PLSCR3: variants seen among roughly 807,000 people sequenced by gnomAD.
PLSCR3 encodes the protein PL scramblase 3.
In PLSCR3, 17 loss-of-function variants were observed where a neutral mutation model predicts 33.7. That is an observed-to-expected ratio of 0.50 (90% CI 0.35 to 0.76). The LOEUF (loss-of-function observed/expected upper bound fraction) is 0.76. PLSCR3 is among the 30% of genes least tolerant of loss of function. PLSCR3 has a pLI of 0.01. For missense variants in PLSCR3, 360 were observed against 394.1 expected (o/e 0.91, Z 0.73); for synonymous variants, 166 against 166.0 (o/e 1.00, Z 0.00).
intron 6 of PLSCR3, 68 bp from the exon 7 acceptor site, chr17:7,390,863 AT>A: frequency 6.6e-7 from 1 of 1,521,686 alleles, no homozygotes; most frequent in South Asian, 1.1e-5. Flanking sequence ...CTCCAGTCTC[AT>A]TCCCACAGTC....
Position 7,392,887 on chromosome 17 carries a change from G to A in PLSCR3, c.573C>T (p.Leu191=), listed in dbSNP as rs758543456. ...CGGCATCCTGGATGGAGAACTTGGG[G>A]AGGAAGGGATGCCAGGTCTGTAGCA... ...GHVLQTWHPF[L]PKFSIQDADR... is the part of the protein sequence containing the mutation. The change falls in exon 6 of 8, where the codon CTC becomes CTT. Residue 191 remains leucine (L), a synonymous_variant. Coordinates refer to ENST00000619711, the MANE Select transcript of PLSCR3 (RefSeq NM_020360.4). 6.2e-7 allele frequency: 1 copy of A among 1,614,134 alleles called. No homozygotes were observed. The highest frequency in any genetic ancestry group is 8.5e-7 in the Non-Finnish European group (1 of 1,180,020).
rs1035289667 is a variant in PLSCR3, at chr17:7,390,353, G to A, written c.*32C>T. 17 of 1,492,488 alleles carry A rather than the reference G, an allele frequency of 1.1e-5. No homozygotes were observed. Among genetic ancestry groups the A allele is most frequent in the South Asian group, 6.2e-5 (5 of 80,200 alleles). 92.5% of individuals were successfully genotyped at this position (1,492,488 alleles called of 1,614,324 possible). ...CAGGTGACCATCTGGAGTTCTGGTC[G>A]AGGTGATGGTCTCCTCACACCATGG... On this transcript the variant is annotated 3_prime_UTR_variant, in exon 8 of 8. Coordinates refer to ENST00000619711, the MANE Select transcript of PLSCR3 (RefSeq NM_020360.4).
intron 6 of PLSCR3, among the ~76,000 whole-genome samples, chr17:7,392,111 G>T (rs983805722): frequency 3.3e-5 from 5 of 152,176 alleles, no homozygotes; most frequent in African/African-American, 4.8e-5. Context: ...CTTGAACCCG[G>T]GAGGCAAAGA....
rs548977209 is a variant in PLSCR3 at position 7,392,725 on chromosome 17, A to G, written c.669+66T>C. 333 of 1,475,260 alleles carry G rather than the reference A, an allele frequency of 2.3e-4. 2 individuals carry two copies. The African/African-American group carries it at 3.9e-3, about 17-fold the overall frequency. The allele number at this position is 1,475,260 out of a possible 1,614,324, so 91.4% of individuals were successfully genotyped here. A position where few individuals can be genotyped will look rare whatever the true frequency, so the allele number is the denominator to read the frequency against. On this transcript the variant is annotated intron_variant, in intron 6 of 7. Coordinates refer to ENST00000619711, the MANE Select transcript of PLSCR3 (RefSeq NM_020360.4). Reference sequence around the variant, plus strand: ...CAGGGTCTTGACCTTAATGTTAACTATCCTGCCTCATGGAAGCATCATCTT... The same window carrying G: ...CAGGGTCTTGACCTTAATGTTAACTGTCCTGCCTCATGGAAGCATCATCTT...
intron 2 of PLSCR3, 90 bp from the exon 3 acceptor site, chr17:7,393,926 G>A (rs1905961808): frequency 4.5e-6 from 5 of 1,103,492 alleles, no homozygotes; most frequent in African/African-American, 1.6e-5. Context: ...GGCTTCGGGG[G>A]AAACGTGGTG....
At position 7,393,348 on chromosome 17, in the gene PLSCR3, C is replaced by G. The variant is rs375566066; in HGVS notation, c.303G>C (p.Glu101Asp). The change falls in exon 5 of 8, where the codon GAG becomes GAC. Residue 101 changes from glutamate to aspartate, a missense_variant. Coordinates refer to ENST00000619711, the MANE Select transcript of PLSCR3 (RefSeq NM_020360.4). ...AERVETFLGW[E>D]TCNRYELRSG... is the part of the protein sequence containing the mutation. ...AGCGCAGTTCATACCGATTACAGGT[C>G]TCCCAGCCTAGGAACGCTGCCCGAG... 5 of 1,613,114 alleles carry G rather than the reference C, an allele frequency of 3.1e-6. No individual in the cohort carries two copies. In the African/African-American group the frequency reaches 6.7e-5, roughly 22 times the overall value.
Position 7,394,031 on chromosome 17 carries a change from G to A in PLSCR3, c.7+73C>T. The stretch of plus-strand genomic sequence containing the variant: ...CCCAGCCAGTCCGAGCACATTCCGG[G>A]AGGATGTGTTCAAACCCGGCTCCCA... On this transcript the variant is annotated intron_variant, in intron 2 of 7. Coordinates refer to ENST00000619711, the MANE Select transcript of PLSCR3 (RefSeq NM_020360.4). The surrounding 1 kb of genome is among the most constrained non-coding windows in gnomAD (Gnocchi z 5.3). 3 of 1,551,136 alleles carry A rather than the reference G, an allele frequency of 1.9e-6. No homozygotes were observed. Among genetic ancestry groups the A allele is most frequent in the South Asian group, 2.3e-5 (2 of 87,776 alleles).
chr17:7,392,198 C>T (rs528987327), intron 6 of PLSCR3, among the ~76,000 whole-genome samples: 5 of 152,168 alleles, frequency 3.3e-5, no homozygotes, highest in Admixed American at 2.6e-4. Context: ...AACAAACAAA[C>T]AAAAAACAAA....
Position 7,393,219 on chromosome 17 carries a change from G to C in PLSCR3, c.432C>G (p.Pro144=). 1 of 1,543,458 alleles carries C rather than the reference G, an allele frequency of 6.5e-7. No homozygotes were observed. Residue 144 remains proline (P), a synonymous_variant, in exon 5 of 8, where the codon CCC becomes CCG. Coordinates refer to ENST00000619711, the MANE Select transcript of PLSCR3 (RefSeq NM_020360.4). The part of the protein sequence containing the change: ...RRPLRVRLAD[P]GDREVLRLLR... ...GCAAACGCAGCACCTCACGGTCCCC[G>C]GGGTCGGCCAGGCGGACACGCAGCG...
intron 6 of PLSCR3, 84 bp from the exon 7 acceptor site, chr17:7,390,879 G>C: frequency 7.1e-7 from 1 of 1,408,374 alleles, no homozygotes; most frequent in Non-Finnish European, 9.9e-7. Context: ...ACAGTCGCAC[G>C]TATGAATTTG....
At position 7,394,275 on chromosome 17, in the gene PLSCR3, G is replaced by C. The variant is rs1234482191; in HGVS notation, c.-157-8C>G. The C allele has an allele frequency of 1.6e-6, 1 of 609,870 alleles. No homozygotes were observed. Among genetic ancestry groups the C allele is most frequent in the Non-Finnish European group, 2.9e-6 (1 of 347,950 alleles). 37.8% of individuals were successfully genotyped at this position (609,870 alleles called of 1,614,324 possible). ...GTCTCTTGGGCGGCGCCTCTGACTCGGGGAGAAACCCAAGTGTCAGTGGGC... is the reference window on the plus strand; with the variant it reads ...GTCTCTTGGGCGGCGCCTCTGACTCCGGGAGAAACCCAAGTGTCAGTGGGC... On this transcript the variant is annotated splice_polypyrimidine_tract_variant and splice_region_variant and intron_variant, in intron 1 of 7. Coordinates refer to ENST00000619711, the MANE Select transcript of PLSCR3 (RefSeq NM_020360.4). This position sits in a 1 kb window ranked among gnomAD's most constrained non-coding sequence, Gnocchi z 5.3.
rs1176742734 is a variant in PLSCR3, at chr17:7,390,671, C to T, written c.794G>A (p.Arg265Lys). 4.3e-6 allele frequency: 7 copies of T among 1,614,176 alleles called. No homozygotes were observed. The highest frequency in any genetic ancestry group is 1.3e-5 in the African/African-American group (1 of 75,070). ...GLQFPLDLDV[R>K]VKAVLLGATF... The stretch of plus-strand genomic sequence containing the variant: ...GGCTCCCAGCAGCACAGCCTTCACC[C>T]TCACATCCAGGTCCAGCGGGAACTG... The change falls in exon 7 of 8, where the codon AGG becomes AAG. Residue 265 changes from arginine to lysine, a missense_variant. Arg to Lys is a conservative substitution (Grantham distance 26, BLOSUM62 2). Transcript: ENST00000619711.
rs1166143351 is a variant in PLSCR3 at position 7,394,029 on chromosome 17, G to A, written c.7+75C>T. The A allele has an allele frequency of 5.2e-6, 8 of 1,545,482 alleles. No individual in the cohort carries two copies. The highest frequency in any genetic ancestry group is 7.1e-6 in the Non-Finnish European group (8 of 1,128,958). On this transcript the variant is annotated intron_variant, in intron 2 of 7. Coordinates refer to ENST00000619711, the MANE Select transcript of PLSCR3 (RefSeq NM_020360.4). This position sits in a 1 kb window ranked among gnomAD's most constrained non-coding sequence, Gnocchi z 5.3. Reference sequence around the variant, plus strand: ...CACCCAGCCAGTCCGAGCACATTCCGGGAGGATGTGTTCAAACCCGGCTCC... The same window carrying A: ...CACCCAGCCAGTCCGAGCACATTCCAGGAGGATGTGTTCAAACCCGGCTCC...
Position 7,393,282 on chromosome 17 carries a change from G to C in PLSCR3, c.369C>G (p.Ser123Arg), listed in dbSNP as rs1290588600. The change falls in exon 5 of 8, where the codon AGC (serine) becomes AGG (arginine). Residue 123 changes from serine (S) to arginine (R), a missense_variant. Coordinates refer to ENST00000619711, the MANE Select transcript of PLSCR3 (RefSeq NM_020360.4). ...GQPLGQAAEE[S>R]NCCARLCCGA... ...CACAGCACAGACGGGCGCAGCAGTT[G>C]CTCTCCTCGGCCGCCTGACCCAGGG... 5 of 1,608,474 alleles carry C rather than the reference G, an allele frequency of 3.1e-6. No individual in the cohort carries two copies. The highest frequency in any genetic ancestry group is 1.7e-4 in the Middle Eastern group (1 of 6,000).
At position 7,393,170 on chromosome 17, in the gene PLSCR3, T is replaced by G; in HGVS notation, c.481A>C (p.Ser161Arg). The part of the protein sequence containing the change: ...RLLRPLHCGC[S>R]CCPCGLQEME... ...TCCTGGAGGCCACAGGGGCAGCAGC[T>G]GCAGCCACAGTGCAGCGGGCGGAGC... Residue 161 changes from serine to arginine, a missense_variant, in exon 5 of 8, where the codon AGC (serine) becomes CGC (arginine). Physicochemically the swap from Ser to Arg is moderately radical, Grantham distance 110. Coordinates refer to ENST00000619711, the MANE Select transcript of PLSCR3 (RefSeq NM_020360.4). 2.2e-6 allele frequency: 3 copies of G among 1,338,852 alleles called. No individual in the cohort carries two copies. Among genetic ancestry groups the G allele is most frequent in the Non-Finnish European group, 2.9e-6 (3 of 1,035,028 alleles). The allele number at this position is 1,338,852 out of a possible 1,614,324, so 82.9% of individuals were successfully genotyped here. A position where few individuals can be genotyped will look rare whatever the true frequency, so the allele number is the denominator to read the frequency against.
At position 7,393,125 on chromosome 17, in the gene PLSCR3, GC is replaced by G. The variant is rs1299030142; in HGVS notation, c.507+18del. The G allele has an allele frequency of 9.7e-6, 7 of 721,396 alleles. No individual in the cohort carries two copies. In the East Asian group the frequency reaches 3.3e-4, roughly 34 times the overall value. 44.7% of individuals were successfully genotyped at this position (721,396 alleles called of 1,614,324 possible). On this transcript the variant is annotated intron_variant, in intron 5 of 7. Transcript: ENST00000619711. Reference sequence around the variant, plus strand: ...CGCCCCACCAAGGCCCGCCCTCCCGGCCCCCTCCCTCCGCCCACCTCCTGGA... The same window carrying G: ...CGCCCCACCAAGGCCCGCCCTCCCGGCCCCTCCCTCCGCCCACCTCCTGGA...
Position 7,390,634 on chromosome 17 carries a change from A to G in PLSCR3, c.831T>C (p.Ile277=). The change falls in exon 7 of 8, where the codon ATT becomes ATC. Residue 277 remains isoleucine, a splice_region_variant and synonymous_variant. Coordinates refer to ENST00000619711, the MANE Select transcript of PLSCR3 (RefSeq NM_020360.4). ...KAVLLGATFL[I]DYMFFEKRGG... ...GTGGGGGCAGGGGCAGCCAACTCAC[A>G]ATGAGGAATGTGGCTCCCAGCAGCA... The G allele has an allele frequency of 6.2e-7, 1 of 1,613,946 alleles. No individual in the cohort carries two copies.
intron 2 of PLSCR3, 70 bp from the exon 3 acceptor site, chr17:7,393,906 T>A (rs1385554868): frequency 8.6e-7 from 1 of 1,161,456 alleles, no homozygotes; most frequent in African/African-American, 1.6e-5. Flanking sequence ...CCTCAGCCCA[T>A]GGGCCGCGAG....
Position 7,393,680 on chromosome 17 carries a change from G to T in PLSCR3, c.164C>A (p.Pro55His). ...AGCAGACCCCAAGGCCACGGGGCCA[G>T]GCGAGGGGAAGAGGGCGAAGCCGGG... The part of the protein sequence containing the change: ...PAPGFALFPS[P>H]GPVALGSAAP... Residue 55 changes from proline to histidine, a missense_variant, in exon 3 of 8, where the codon CCT (proline) becomes CAT (histidine). By Grantham distance (77) the Pro-to-His change is moderately conservative. Transcript: ENST00000619711. 1 of 1,593,990 alleles carries T rather than the reference G, an allele frequency of 6.3e-7. No homozygotes were observed.
Sources: allele counts gnomAD v4.1 joint callset (sites outside exome capture counted in the v4.1 genomes callset), GRCh38; gene constraint gnomAD v4.1.1; non-coding constraint Gnocchi (gnomAD v3.1); transcripts MANE v1.5; gene names NCBI Gene and HGNC (gene_info 2026-07-23, HGNC 2026-07-21).